The following PPP2R3A variants were observed in gnomAD, a reference collection of about 807,000 sequenced individuals.
The protein encoded by PPP2R3A is serine/threonine-protein phosphatase 2A regulatory subunit B'' subunit alpha.
PPP2R3A carries 80 observed loss-of-function variants against 106.9 expected under a neutral mutation model. That is an observed-to-expected ratio of 0.75 (90% CI 0.62 to 0.90). The LOEUF (loss-of-function observed/expected upper bound fraction) is 0.90. Ranked by LOEUF, PPP2R3A falls within the 40% of genes least tolerant of loss-of-function variation. The pLI, the probability that PPP2R3A is intolerant of heterozygous loss-of-function variation, is 0.00. For synonymous variants in PPP2R3A, 483 were observed against 468.3 expected (o/e 1.03, Z -0.41); for missense variants, 1,386 against 1,350.4 (o/e 1.03, Z -0.41).
intron 3 of PPP2R3A, among the ~76,000 whole-genome samples, chr3:136,029,160 TTGTG>T (rs1559877064): frequency 6.6e-6 from 1 of 152,106 alleles, no homozygotes; most frequent in Non-Finnish European, 1.5e-5. Flanking sequence ...CGAGAGCAAT[TTGTG>T]TGAAAGAGAC....
At chr3:136,020,930 G>A (rs1934444755) in intron 2 of PPP2R3A, among the ~76,000 whole-genome samples, 1 of 152,002 alleles carries the variant, frequency 6.6e-6, no homozygotes, top group African/African-American at 2.4e-5. Context: ...TTACAGTAAG[G>A]GGACTTAAAT....
At chr3:136,011,990 C>CGCAT (rs1559868105) in intron 2 of PPP2R3A, among the ~76,000 whole-genome samples, 1 of 112,050 alleles carries the variant, frequency 8.9e-6, no homozygotes, top group African/African-American at 4.8e-5. Flanking sequence ...CACACACACA[C>CGCAT]ACATACACAC....
chr3:136,059,447 C>T (rs964757247), intron 5 of PPP2R3A, among the ~76,000 whole-genome samples: 6 of 152,048 alleles, frequency 3.9e-5, no homozygotes, highest in African/African-American at 1.4e-4. Flanking sequence ...TCACACCAGT[C>T]AGAATGTCTG....
chr3:136,109,176 A>G lies in PPP2R3A; in HGVS notation c.3329+2854A>G, dbSNP rs144511544. On this transcript the variant is annotated intron_variant, in intron 13 of 13. Transcript: ENST00000264977. The stretch of plus-strand genomic sequence containing the variant: ...GGAAGTAAATATATGTGTAAGTTTC[A>G]TTAGCAGGGTCTCAACAGATGCTCT... 1.3e-4 allele frequency among the ~76,000 whole-genome samples: 20 copies of G among 152,310 alleles called. No homozygotes were observed. In the East Asian group the frequency reaches 2.9e-3, roughly 22 times the overall value.
chr3:135,974,783 C>G (rs1262966981), intron 1 of PPP2R3A, among the ~76,000 whole-genome samples: 4 of 152,362 alleles, frequency 2.6e-5, no homozygotes, highest in African/African-American at 9.6e-5. Flanking sequence ...ATTCATCTTA[C>G]ACTTTCATTT....
rs1384982986 is a variant in PPP2R3A at position 136,103,286 on chromosome 3, G to A, written c.3132G>A (p.Arg1044=). 2 of 1,608,014 alleles carry A rather than the reference G, an allele frequency of 1.2e-6. No homozygotes were observed. The highest frequency in any genetic ancestry group is 4.5e-5 in the East Asian group (2 of 44,796). ...AAATAACTCTAAGAGATCTGAAGAG[G>A]TGCAGAATGGCTCACATCTTCTATG... ...DGKITLRDLK[R]CRMAHIFYDT... Residue 1044 remains arginine (R), a synonymous_variant, in exon 12 of 14, where the codon AGG becomes AGA. Coordinates refer to ENST00000264977, the MANE Select transcript of PPP2R3A (RefSeq NM_002718.5).
intron 3 of PPP2R3A, among the ~76,000 whole-genome samples, chr3:136,036,404 A>G (rs556175848): frequency 6.6e-6 from 1 of 152,326 alleles, no homozygotes; most frequent in East Asian, 1.9e-4. Context: ...TTTGTCCCAC[A>G]GGGTGTTCCC....
At chr3:136,118,210 T>C (rs911352477) in intron 13 of PPP2R3A, among the ~76,000 whole-genome samples, 3 of 152,140 alleles carry the variant, frequency 2.0e-5, no homozygotes, top group Non-Finnish European at 1.5e-5. Context: ...ATAAACTAGG[T>C]ATTGATGGAA....
At chr3:135,990,794 G>A (rs1252419596) in intron 1 of PPP2R3A, among the ~76,000 whole-genome samples, 1 of 151,900 alleles carries the variant, frequency 6.6e-6, no homozygotes, top group Non-Finnish European at 1.5e-5. Flanking sequence ...GGCCTACCTA[G>A]CTTCATCTTG....
chr3:136,021,667 A>G (rs1168647157), intron 2 of PPP2R3A, among the ~76,000 whole-genome samples: 1 of 152,142 alleles, frequency 6.6e-6, no homozygotes, highest in African/African-American at 2.4e-5. Flanking sequence ...ATATTGAATG[A>G]TGTGGTTGAT....
chr3:136,076,530 A>G (rs1936600028), intron 6 of PPP2R3A, among the ~76,000 whole-genome samples: 1 of 152,272 alleles, frequency 6.6e-6, no homozygotes, highest in Non-Finnish European at 1.5e-5. Context: ...AACTCTGAGT[A>G]GAGTTCTTCA....
At chr3:136,055,547 T>C in intron 5 of PPP2R3A, 1 of 1,350,294 alleles carries the variant, frequency 7.4e-7, no homozygotes. Flanking sequence ...TCACTGACCA[T>C]GCTGCTCAAA....
rs1394977925 is a variant in PPP2R3A at position 136,147,084 on chromosome 3, A to C, written c.*1918A>C. 1 of 151,912 alleles carries C rather than the reference A, an allele frequency of 6.6e-6. No individual in the cohort carries two copies. The highest frequency in any genetic ancestry group is 1.5e-5 in the Non-Finnish European group (1 of 68,008). The allele number at this position is 151,912 out of a possible 1,614,324, so 9.4% of individuals were successfully genotyped here. Reference sequence around the variant, plus strand: ...ATCTGGTTTTTGAAGTCTCTTAATTATTGGCTGGGCATGGTGACTCATGCC... The same window carrying C: ...ATCTGGTTTTTGAAGTCTCTTAATTCTTGGCTGGGCATGGTGACTCATGCC... On this transcript the variant is annotated 3_prime_UTR_variant, in exon 14 of 14. Coordinates refer to ENST00000264977, the MANE Select transcript of PPP2R3A (RefSeq NM_002718.5).
In PPP2R3A at chr3:135,991,544, A is replaced by G. The variant is rs1194605472; in HGVS notation, c.-440-9515A>G. Among the ~76,000 whole-genome samples, 5 of 147,024 alleles carry G rather than the reference A, an allele frequency of 3.4e-5. No homozygotes were observed. In the East Asian group the frequency reaches 9.6e-4, roughly 28 times the overall value. ...AGAAAGCAGTAGCTTTGCAGATTAC[A>G]TGCATTAAATATTAATAGCCTATTC... is the stretch of plus-strand genomic sequence containing the variant. On this transcript the variant is annotated intron_variant, in intron 1 of 13. Coordinates refer to ENST00000264977, the MANE Select transcript of PPP2R3A (RefSeq NM_002718.5).
intron 8 of PPP2R3A, 76 bp from the exon 9 acceptor site, chr3:136,087,807 C>A: frequency 8.2e-7 from 1 of 1,216,276 alleles, no homozygotes; most frequent in Non-Finnish European, 1.2e-6. Flanking sequence ...TAGTGAAAAG[C>A]AAATTTGTGA....
intron 13 of PPP2R3A, among the ~76,000 whole-genome samples, chr3:136,125,162 A>G (rs1938137793): frequency 6.6e-6 from 1 of 152,088 alleles, no homozygotes; most frequent in Non-Finnish European, 1.5e-5. Flanking sequence ...CTGTACTAAA[A>G]ATACAAAATT....
At chr3:136,108,453 GA>G (rs1202147596) in intron 13 of PPP2R3A, among the ~76,000 whole-genome samples, 2 of 152,070 alleles carry the variant, frequency 1.3e-5, no homozygotes, top group Admixed American at 6.6e-5. Flanking sequence ...GTATCCAAAA[GA>G]AAATTAGGTA....
At chr3:136,013,940 C>T (rs570276645) in intron 2 of PPP2R3A, among the ~76,000 whole-genome samples, 29 of 152,174 alleles carry the variant, frequency 1.9e-4, no homozygotes, top group African/African-American at 6.0e-4. Context: ...AGGGTTTTTC[C>T]GATGTTGTCT....
intron 13 of PPP2R3A, among the ~76,000 whole-genome samples, chr3:136,111,328 C>A (rs1162149422): frequency 1.3e-5 from 2 of 151,880 alleles, no homozygotes; most frequent in African/African-American, 4.8e-5. Context: ...TAAAGTATGT[C>A]TGTTAAAAAT....
Sources: allele counts gnomAD v4.1 joint callset (sites outside exome capture counted in the v4.1 genomes callset), GRCh38; gene constraint gnomAD v4.1.1; transcripts MANE v1.5; gene names NCBI Gene and HGNC (gene_info 2026-07-23, HGNC 2026-07-21).